Variants in CSMD2 observed in about 807,000 individuals in gnomAD.
CSMD2 encodes the protein CUB and Sushi multiple domains 2.
A neutral mutation model predicts 398.5 loss-of-function variants in CSMD2; 130 were observed. That is an observed-to-expected ratio of 0.33 (90% CI 0.28 to 0.38). The LOEUF is 0.38. Among genes scored for constraint, CSMD2 ranks in the 10% least tolerant of loss-of-function variants. CSMD2 has a pLI of 1.00. For missense variants in CSMD2, 3,829 were observed against 4,764.9 expected, an observed-to-expected ratio of 0.80 and a Z score of 5.78; for synonymous variants, 1,828 against 1,908.5, an observed-to-expected ratio of 0.96 and a Z score of 1.10.
At chr1:34,037,304 G>A (rs1570900024) in intron 2 of CSMD2, among the ~76,000 whole-genome samples, 3 of 151,618 alleles carry the variant, frequency 2.0e-5, no homozygotes, top group South Asian at 4.2e-4. Context: ...CACCCTCCCC[G>A]CCCCCACCGG....
chr1:33,764,369 C>G (rs995529146), intron 13 of CSMD2, among the ~76,000 whole-genome samples: 2 of 152,164 alleles, frequency 1.3e-5, no homozygotes, highest in African/African-American at 4.8e-5. Flanking sequence ...CAGACCCTCC[C>G]CCATCCTGCT....
At chr1:33,770,037 G>A (rs1379833014) in intron 13 of CSMD2, among the ~76,000 whole-genome samples, 1 of 152,172 alleles carries the variant, frequency 6.6e-6, no homozygotes, top group African/African-American at 2.4e-5. Flanking sequence ...CTAGAGTTAA[G>A]AGCAGAACTC....
intron 2 of CSMD2, among the ~76,000 whole-genome samples, chr1:34,081,595 T>A (rs1310195941): frequency 6.6e-6 from 1 of 152,160 alleles, no homozygotes; most frequent in East Asian, 1.9e-4. Flanking sequence ...GTTTTTGTAT[T>A]TTTTGGTGGA....
At chr1:33,895,396 A>G (rs112560448) in intron 5 of CSMD2, among the ~76,000 whole-genome samples, 31 of 152,222 alleles carry the variant, frequency 2.0e-4, no homozygotes, top group African/African-American at 7.5e-4. Flanking sequence ...GATTGGCCCT[A>G]CATGGGGGTA....
In CSMD2 at chr1:33,515,608, AT is replaced by A. The variant is rs1201649909; in HGVS notation, c.*1015del. On this transcript the variant is annotated 3_prime_UTR_variant, in exon 71 of 71. Coordinates refer to ENST00000373381, the MANE Select transcript of CSMD2 (RefSeq NM_001281956.2). Reference sequence around the variant, plus strand: ...ATAACAAATCCTACATTTTGGTGTTATTGTGCAGACTAGAAATACTACAGGT... The same window carrying A: ...ATAACAAATCCTACATTTTGGTGTTATGTGCAGACTAGAAATACTACAGGT... The A allele has an allele frequency of 6.6e-6, 1 of 152,172 alleles. No individual in the cohort carries two copies. Among genetic ancestry groups the A allele is most frequent in the Non-Finnish European group, 1.5e-5 (1 of 68,020 alleles). 9.4% of individuals were successfully genotyped at this position (152,172 alleles called of 1,614,324 possible).
chr1:34,062,030 G>C (rs1654570388), intron 2 of CSMD2, among the ~76,000 whole-genome samples: 1 of 152,212 alleles, frequency 6.6e-6, no homozygotes, highest in Admixed American at 6.5e-5. Context: ...AGGTCATCAG[G>C]ATGGGCTAAG....
At chr1:34,005,355 G>A (rs1647024490) in intron 3 of CSMD2, among the ~76,000 whole-genome samples, 1 of 152,196 alleles carries the variant, frequency 6.6e-6, no homozygotes, top group Non-Finnish European at 1.5e-5. Context: ...AGGATTAGGT[G>A]GGGAGAGAAA....
chr1:33,521,422 C>T lies in CSMD2; in HGVS notation c.10597+41G>A, dbSNP rs762678456. Reference sequence around the variant, plus strand: ...CACGGCACACACGGTTTCTCTCCCACCCACCCGGGCCCACACTTCCGGGGG... The same window carrying T: ...CACGGCACACACGGTTTCTCTCCCATCCACCCGGGCCCACACTTCCGGGGG... On this transcript the variant is annotated intron_variant, in intron 68 of 70. Coordinates refer to ENST00000373381, the MANE Select transcript of CSMD2 (RefSeq NM_001281956.2). 3.4e-5 allele frequency: 33 copies of T among 964,414 alleles called. No homozygotes were observed. In the South Asian group the frequency reaches 4.2e-4, roughly 12 times the overall value. 59.7% of individuals were successfully genotyped at this position (964,414 alleles called of 1,614,324 possible).
At position 33,804,596 on chromosome 1, in the gene CSMD2, C is replaced by A. The variant is rs1161822509; in HGVS notation, c.1446+6147G>T. ...CCTGTTCTTCACTCTTACGTGCACA[C>A]TCCTCAAGGGCAGAGGCCATATCTA... On this transcript the variant is annotated intron_variant, in intron 10 of 70. Transcript: ENST00000373381. 5 of 666,956 alleles carry A rather than the reference C, an allele frequency of 7.5e-6. No homozygotes were observed. The Admixed American group carries it at 1.1e-4, about 14-fold the overall frequency. 41.3% of individuals were successfully genotyped at this position (666,956 alleles called of 1,614,324 possible). A position where few individuals can be genotyped will look rare whatever the true frequency, so the allele number is the denominator to read the frequency against.
At chr1:33,675,889 C>T (rs1301832283) in intron 25 of CSMD2, among the ~76,000 whole-genome samples, 1 of 152,132 alleles carries the variant, frequency 6.6e-6, no homozygotes, top group Non-Finnish European at 1.5e-5. Context: ...GCAGAAAAGG[C>T]CTTTGACAAA....
intron 60 of CSMD2, 57 bp downstream of exon 60, chr1:33,540,468 G>A (rs2148592434): frequency 6.3e-7 from 1 of 1,582,516 alleles, no homozygotes; most frequent in South Asian, 1.1e-5. Flanking sequence ...GCTCCGAGGA[G>A]GCAAGGGGAA....
intron 25 of CSMD2, among the ~76,000 whole-genome samples, chr1:33,671,110 C>T (rs533026308): frequency 2.2e-4 from 34 of 152,264 alleles, no homozygotes; most frequent in African/African-American, 5.5e-4. Flanking sequence ...GCATGAAATG[C>T]GGGTGGCTGA....
intron 5 of CSMD2, among the ~76,000 whole-genome samples, chr1:33,898,055 G>T (rs1416431064): frequency 6.6e-6 from 1 of 152,178 alleles, no homozygotes. Flanking sequence ...TGAGAGAGGA[G>T]GACATTGAGG....
chr1:33,739,510 T>C (rs1046579153), intron 14 of CSMD2, among the ~76,000 whole-genome samples, 176 bp from the exon 15 acceptor site: 1 of 152,238 alleles, frequency 6.6e-6, no homozygotes, highest in Non-Finnish European at 1.5e-5. Flanking sequence ...CAGGTGCTCA[T>C]TAAACTTGAT....
Position 33,569,542 on chromosome 1 carries a change from A to G in CSMD2, c.7963T>C (p.Ser2655Pro). 1.2e-6 allele frequency: 2 copies of G among 1,613,596 alleles called. No individual in the cohort carries two copies. The highest frequency in any genetic ancestry group is 1.7e-6 in the Non-Finnish European group (2 of 1,179,648). Residue 2655 changes from serine (S) to proline (P), a missense_variant, in exon 52 of 71, where the codon TCC (serine) becomes CCC (proline). Physicochemically the swap from Ser to Pro is moderately conservative, Grantham distance 74 (BLOSUM62 -1). This residue lies in a region of CSMD2 where 723 missense variants were observed against 758.6 expected (regional missense o/e 0.95). Coordinates refer to ENST00000373381, the MANE Select transcript of CSMD2 (RefSeq NM_001281956.2). ...GGGGGAATCGGGAGCTCTCCACAGG[A>G]GATGACTAAAATGATCACAAGATGC... ...GDSTPTCRII[S>P]CGELPIPPNG...
At chr1:33,661,746 C>T (rs999788302) in intron 26 of CSMD2, among the ~76,000 whole-genome samples, 5 of 152,158 alleles carry the variant, frequency 3.3e-5, no homozygotes, top group African/African-American at 1.2e-4. Context: ...CTTATTTCCA[C>T]AGAGATGACA....
chr1:33,623,364 G>C lies in CSMD2; in HGVS notation c.5722+6C>G. On this transcript the variant is annotated splice_donor_region_variant and intron_variant, in intron 36 of 70. Transcript: ENST00000373381. The stretch of plus-strand genomic sequence containing the variant: ...CCAAATTGAAGCCCCTGGAAACCCA[G>C]CTTACCTGAGAAACTCCCCAGCATG... 1.2e-6 allele frequency: 2 copies of C among 1,612,480 alleles called. No individual in the cohort carries two copies. Among genetic ancestry groups the C allele is most frequent in the African/African-American group, 1.3e-5 (1 of 74,982 alleles).
intron 60 of CSMD2, among the ~76,000 whole-genome samples, chr1:33,538,623 T>G (rs1297765746): frequency 6.6e-6 from 1 of 152,116 alleles, no homozygotes; most frequent in Non-Finnish European, 1.5e-5. Flanking sequence ...TAAGAATCGA[T>G]TGATGGGAAG....
At chr1:34,083,680 T>C (rs1302549708) in intron 2 of CSMD2, among the ~76,000 whole-genome samples, 1 of 152,186 alleles carries the variant, frequency 6.6e-6, no homozygotes, top group Non-Finnish European at 1.5e-5. Flanking sequence ...CTTTGGGAGA[T>C]GGAGGCAAAG....
Sources: gnomAD v4.1 joint callset for allele counts (sites outside exome capture counted in the v4.1 genomes callset) on GRCh38, gnomAD v4.1.1 for gene constraint, gnomAD v4.1.1 regional missense constraint, MANE v1.5 for transcripts, NCBI Gene and HGNC (gene_info 2026-07-23, HGNC 2026-07-21) for gene names.